ADCY8: variants seen among roughly 807,000 people sequenced by gnomAD.
ADCY8 encodes adenylate cyclase 8.
In ADCY8, 51 loss-of-function variants were observed where a neutral mutation model predicts 119.7. That is an observed-to-expected ratio of 0.43 (90% CI 0.34 to 0.54). The LOEUF (loss-of-function observed/expected upper bound fraction) is 0.54, where lower values mean the gene tolerates loss of function less well. Ranked by LOEUF, ADCY8 falls within the 20% of genes least tolerant of loss-of-function variation. ADCY8 has a pLI of 0.03. For missense variants in ADCY8, 1,383 were observed against 1,598.8 expected (o/e 0.87, Z 2.30); for synonymous variants, 665 against 651.0 (o/e 1.02, Z -0.33).
At chr8:130,966,697 C>A (rs1341827302) in intron 2 of ADCY8, among the ~76,000 whole-genome samples, 1 of 152,200 alleles carries the variant, frequency 6.6e-6, no homozygotes, top group Admixed American at 6.5e-5. Flanking sequence ...TTGAACCCTA[C>A]CTCTGCCCCT....
chr8:131,033,047 A>T (rs1824043619), intron 1 of ADCY8, among the ~76,000 whole-genome samples: 1 of 152,224 alleles, frequency 6.6e-6, no homozygotes, highest in African/African-American at 2.4e-5. Flanking sequence ...TTCAGAAGTG[A>T]TAAGTCAAGT....
At chr8:130,888,892 G>A (rs1478644634) in intron 7 of ADCY8, among the ~76,000 whole-genome samples, 2 of 152,074 alleles carry the variant, frequency 1.3e-5, no homozygotes, top group Non-Finnish European at 2.9e-5. Flanking sequence ...TCATTAATCA[G>A]TTTGTCACAG....
chr8:130,872,123 G>A (rs1818385807), intron 8 of ADCY8, among the ~76,000 whole-genome samples: 1 of 152,072 alleles, frequency 6.6e-6, no homozygotes, highest in Non-Finnish European at 1.5e-5. Context: ...TTAGGATTTG[G>A]AATATTATTA....
In ADCY8 at chr8:130,909,019, C is replaced by CTCCA. The variant is rs746565794; in HGVS notation, c.1640+685_1640+688dup. Among the ~76,000 whole-genome samples, 12 of 100,688 alleles carry CTCCA rather than the reference C, an allele frequency of 1.2e-4. No homozygotes were observed. The South Asian group carries it at 2.2e-3, about 18-fold the overall frequency. The allele number at this position is 100,688 out of a possible 152,430, so 66.1% of individuals were successfully genotyped here. On this transcript the variant is annotated intron_variant, in intron 6 of 17. Coordinates refer to ENST00000286355, the MANE Select transcript of ADCY8 (RefSeq NM_001115.3). ...TCTCTCTCTCTCTCTCTTTCTCTAT[C>CTCCA]TCCATCCATCCATCCATCCACCATC...
In ADCY8 at chr8:130,884,774, C is replaced by G. The variant is rs1430083892; in HGVS notation, c.1912-13G>C. The stretch of plus-strand genomic sequence containing the variant: ...GGGCAGCCAGAGTCTAGGGGGAAAG[C>G]ACATGCAAACACAATAAACCTGCTA... On this transcript the variant is annotated splice_polypyrimidine_tract_variant and intron_variant, in intron 7 of 17. Transcript: ENST00000286355. 1 of 1,612,372 alleles carries G rather than the reference C, an allele frequency of 6.2e-7. No individual in the cohort carries two copies. Among genetic ancestry groups the G allele is most frequent in the Non-Finnish European group, 8.5e-7 (1 of 1,178,646 alleles).
intron 1 of ADCY8, among the ~76,000 whole-genome samples, chr8:131,019,284 G>A (rs1823576479): frequency 6.6e-6 from 1 of 152,212 alleles, no homozygotes; most frequent in Non-Finnish European, 1.5e-5. Context: ...AATAAAATTT[G>A]TGTTTGCTTC....
intron 10 of ADCY8, among the ~76,000 whole-genome samples, chr8:130,847,725 CAGAA>C (rs1283259233): frequency 1.3e-5 from 2 of 151,980 alleles, no homozygotes; most frequent in African/African-American, 4.8e-5. Context: ...AGTGCTTGCT[CAGAA>C]AGACCTTTTG....
Position 130,849,813 on chromosome 8 carries a change from A to AAC in ADCY8, c.2211-12_2211-11dup. On this transcript the variant is annotated splice_polypyrimidine_tract_variant and intron_variant, in intron 9 of 17. Transcript: ENST00000286355. ...GGTCATTGGCATCACTCTGCAGGGAAACACAGAATGTTGGGTCATTGGCAT... is the reference window on the plus strand; with the variant it reads ...GGTCATTGGCATCACTCTGCAGGGAAACACACAGAATGTTGGGTCATTGGCAT... The AAC allele has an allele frequency of 6.2e-7, 1 of 1,609,056 alleles. No homozygotes were observed. The highest frequency in any genetic ancestry group is 1.8e-4 in the Middle Eastern group (1 of 5,566).
At chr8:131,028,522 G>C (rs1191090999) in intron 1 of ADCY8, among the ~76,000 whole-genome samples, 2 of 150,788 alleles carry the variant, frequency 1.3e-5, no homozygotes, top group South Asian at 4.1e-4. Flanking sequence ...TGCTCTTAGT[G>C]ATTTTTTTTC....
chr8:130,843,620 A>G (rs776164865), intron 11 of ADCY8, among the ~76,000 whole-genome samples: 3 of 152,064 alleles, frequency 2.0e-5, no homozygotes, highest in African/African-American at 4.8e-5. Context: ...ATTGCTTCAT[A>G]TATTTTGTTT....
chr8:130,856,865 A>G (rs1427679574), intron 9 of ADCY8, among the ~76,000 whole-genome samples: 1 of 152,072 alleles, frequency 6.6e-6, no homozygotes. Context: ...TAGTGTTTGG[A>G]ATAAGTCTGG....
At chr8:130,806,050 C>T (rs138786559) in intron 14 of ADCY8, among the ~76,000 whole-genome samples, 13 of 152,234 alleles carry the variant, frequency 8.5e-5, no homozygotes, top group South Asian at 8.3e-4. Flanking sequence ...ACAGGGTGGA[C>T]GGTGTTAGAG....
At chr8:130,935,883 T>G (rs1197312254) in intron 5 of ADCY8, among the ~76,000 whole-genome samples, 1 of 152,236 alleles carries the variant, frequency 6.6e-6, no homozygotes, top group African/African-American at 2.4e-5. Flanking sequence ...AGCTACATTT[T>G]GAGAAACTCT....
chr8:130,874,777 A>G (rs1292838778), intron 8 of ADCY8, among the ~76,000 whole-genome samples: 1 of 152,014 alleles, frequency 6.6e-6, no homozygotes, highest in African/African-American at 2.4e-5. Flanking sequence ...AACCTTCCAT[A>G]CCACCATTCT....
intron 1 of ADCY8, among the ~76,000 whole-genome samples, chr8:131,029,072 G>A (rs527992054): frequency 2.6e-5 from 4 of 152,324 alleles, no homozygotes; most frequent in South Asian, 4.1e-4. Context: ...TTGCATTACC[G>A]CCTGAGCTCT....
intron 15 of ADCY8, among the ~76,000 whole-genome samples, chr8:130,798,626 C>T (rs958439090): frequency 7.6e-4 from 116 of 152,292 alleles, no homozygotes; most frequent in African/African-American, 2.7e-3. Flanking sequence ...ACAAAATTCT[C>T]CTGCCTTTGG....
At chr8:130,941,397 A>G (rs920660832) in intron 4 of ADCY8, among the ~76,000 whole-genome samples, 1 of 152,210 alleles carries the variant, frequency 6.6e-6, no homozygotes, top group African/African-American at 2.4e-5. Context: ...CTGGGTCAGC[A>G]GGGTTTACTG....
rs370113722 is a variant in ADCY8, at chr8:130,883,425, A to T, written c.2109+1139T>A. The stretch of plus-strand genomic sequence containing the variant: ...TCTTTTCCTTTTGTTTTGTTAGTAC[A>T]TAGACACAATCCATCTCAAATTGGG... On this transcript the variant is annotated intron_variant, in intron 8 of 17. Transcript: ENST00000286355. Among the ~76,000 whole-genome samples, 10 of 152,292 alleles carry T rather than the reference A, an allele frequency of 6.6e-5. No individual in the cohort carries two copies. The South Asian group carries it at 1.7e-3, about 25-fold the overall frequency.
Position 130,951,912 on chromosome 8 carries a change from C to T in ADCY8, c.1197G>A (p.Gln399=). ...DMTNVEDEHL[Q]HQFHRIYIHR... is the part of the protein sequence containing the mutation. ...GGATGTAGATCCGATGGAACTGGTGCTGCAGGTGCTCATCTTCCACATTGG... is the reference window on the plus strand; with the variant it reads ...GGATGTAGATCCGATGGAACTGGTGTTGCAGGTGCTCATCTTCCACATTGG... Residue 399 remains glutamine (Q), a synonymous_variant, in exon 3 of 18, where the codon CAG becomes CAA. Transcript: ENST00000286355. 2 of 1,614,072 alleles carry T rather than the reference C, an allele frequency of 1.2e-6. No individual in the cohort carries two copies. Among genetic ancestry groups the T allele is most frequent in the Admixed American group, 1.7e-5 (1 of 60,028 alleles).
Sources: allele counts gnomAD v4.1 joint callset (sites outside exome capture counted in the v4.1 genomes callset), GRCh38; gene constraint gnomAD v4.1.1; transcripts MANE v1.5; gene names NCBI Gene and HGNC (gene_info 2026-07-23, HGNC 2026-07-21).